ZNF382: variants seen among roughly 807,000 people sequenced by gnomAD.
ZNF382 encodes KRAB/zinc finger suppressor protein 1.
ZNF382 carries 20 observed loss-of-function variants against 38.8 expected under a neutral mutation model. The ratio of observed to expected loss-of-function variants is 0.51; its 90% CI spans 0.36 to 0.75. The LOEUF (loss-of-function observed/expected upper bound fraction) is 0.75, where lower values mean the gene tolerates loss of function less well. Among genes scored for constraint, ZNF382 ranks in the 30% least tolerant of loss-of-function variants. The pLI is 0.00. For synonymous variants in ZNF382, 202 were observed against 223.1 expected (o/e 0.91, Z 0.84); for missense variants, 546 against 654.1 (o/e 0.83, Z 1.80).
intron 4 of ZNF382, among the ~76,000 whole-genome samples, chr19:36,623,672 T>C (rs1303422912): frequency 6.6e-6 from 1 of 151,972 alleles, no homozygotes; most frequent in Non-Finnish European, 1.5e-5. Flanking sequence ...CACACACCTG[T>C]AGTCCCAGCT....
intron 4 of ZNF382, 58 bp downstream of exon 4, chr19:36,610,800 A>G: frequency 1.5e-6 from 2 of 1,316,382 alleles, no homozygotes; most frequent in Non-Finnish European, 2.2e-6. Flanking sequence ...AAGCCTTTGA[A>G]TGTTTTTAGG....
rs371760229 is a variant in ZNF382, at chr19:36,625,089, AATATATATATATATATATATATATAT to A, written c.233-1027_233-1002del. On this transcript the variant is annotated intron_variant, in intron 4 of 4. Coordinates refer to ENST00000292928, the MANE Select transcript of ZNF382 (RefSeq NM_032825.5). ...TCTCAAAAAAATAAAAATGAATTTA[AATATATATATATATATATATATATAT>A]ATATATATATATAATGTATACACAA... Among the ~76,000 whole-genome samples, 51 of 42,994 alleles carry A rather than the reference AATATATATATATATATATATATATAT, an allele frequency of 1.2e-3. 4 individuals carry two copies. Among genetic ancestry groups the A allele is most frequent in the Admixed American group, 6.9e-3 (17 of 2,478 alleles). 28.2% of individuals were successfully genotyped at this position (42,994 alleles called of 152,430 possible).
At position 36,627,577 on chromosome 19, in the gene ZNF382, T is replaced by G; in HGVS notation, c.*27T>G. The G allele has an allele frequency of 6.5e-7, 1 of 1,539,664 alleles. No individual in the cohort carries two copies. Among genetic ancestry groups the G allele is most frequent in the East Asian group, 2.3e-5 (1 of 44,386 alleles). On this transcript the variant is annotated 3_prime_UTR_variant, in exon 5 of 5. Coordinates refer to ENST00000292928, the MANE Select transcript of ZNF382 (RefSeq NM_032825.5). ...TAATGTGGCTTTTTTTGTAAAAAAA[T>G]GTTAAGTCATAGTAAACCCTGTAGA...
At chr19:36,611,388 G>A (rs1361871554) in intron 4 of ZNF382, among the ~76,000 whole-genome samples, 1 of 151,986 alleles carries the variant, frequency 6.6e-6, no homozygotes, top group Non-Finnish European at 1.5e-5. Flanking sequence ...ACTACTCTAG[G>A]TACCTCTTGT....
Position 36,627,163 on chromosome 19 carries a change from C to A in ZNF382, c.1266C>A (p.Thr422=), listed in dbSNP as rs772376239. 12 of 1,614,112 alleles carry A rather than the reference C, an allele frequency of 7.4e-6. No individual in the cohort carries two copies. The Middle Eastern group carries it at 1.5e-3, about 200-fold the overall frequency. Residue 422 remains threonine (T), a synonymous_variant, in exon 5 of 5, where the codon ACC becomes ACA. Transcript: ENST00000292928. ...GGAAGGCATTTATCCAGAAGACAACCCTCACTGTTCATCAGAGAACTCACA... is the reference window on the plus strand; with the variant it reads ...GGAAGGCATTTATCCAGAAGACAACACTCACTGTTCATCAGAGAACTCACA... ...ECGKAFIQKT[T]LTVHQRTHTG... is the part of the protein sequence containing the mutation.
chr19:36,616,976 G>A (rs532854192), intron 4 of ZNF382, among the ~76,000 whole-genome samples: 1 of 152,094 alleles, frequency 6.6e-6, no homozygotes, highest in Non-Finnish European at 1.5e-5. Flanking sequence ...GGGACAATCA[G>A]AGGTGGTGAG....
rs767122431 is a variant in ZNF382, at chr19:36,610,679, C to T, written c.169C>T (p.Arg57Cys). 9 of 1,612,816 alleles carry T rather than the reference C, an allele frequency of 5.6e-6. No homozygotes were observed. Among genetic ancestry groups the T allele is most frequent in the Admixed American group, 3.3e-5 (2 of 59,934 alleles). ...TCACATGGCTAAGCCTGATATGATC[C>T]GCAAGTTGGAACAAGGAGAAGAGCT... ...GFHMAKPDMI[R>C]KLEQGEELWT... The change falls in exon 4 of 5, where the codon CGC (arginine) becomes TGC (cysteine). Residue 57 changes from arginine to cysteine, a missense_variant. By Grantham distance (180) the Arg-to-Cys change is radical. Coordinates refer to ENST00000292928, the MANE Select transcript of ZNF382 (RefSeq NM_032825.5).
intron 4 of ZNF382, among the ~76,000 whole-genome samples, chr19:36,621,011 C>T (rs2037164680): frequency 6.6e-6 from 1 of 151,914 alleles, no homozygotes; most frequent in Non-Finnish European, 1.5e-5. Context: ...TGCCCACCTT[C>T]GCCTCCGACA....
In ZNF382 at chr19:36,630,178, A is replaced by C. The variant is rs1568634084; in HGVS notation, c.*2628A>C. 1 of 152,098 alleles carries C rather than the reference A, an allele frequency of 6.6e-6. No individual in the cohort carries two copies. Among genetic ancestry groups the C allele is most frequent in the Non-Finnish European group, 1.5e-5 (1 of 68,018 alleles). 9.4% of individuals were successfully genotyped at this position (152,098 alleles called of 1,614,324 possible). A position where few individuals can be genotyped will look rare whatever the true frequency, so the allele number is the denominator to read the frequency against. Reference sequence around the variant, plus strand: ...ATATACTTCCCAATTTTGCACACACAAAAAATGAAAATAGCCCCCAAAAGA... The same window carrying C: ...ATATACTTCCCAATTTTGCACACACCAAAAATGAAAATAGCCCCCAAAAGA... On this transcript the variant is annotated 3_prime_UTR_variant, in exon 5 of 5. Transcript: ENST00000292928.
chr19:36,606,298 G>C (rs951824195), intron 1 of ZNF382, among the ~76,000 whole-genome samples: 1 of 147,010 alleles, frequency 6.8e-6, no homozygotes, highest in Non-Finnish European at 1.5e-5. Context: ...ATTCCATTGG[G>C]GACATGCAGG....
At chr19:36,625,425 C>T (rs542829584) in intron 4 of ZNF382, among the ~76,000 whole-genome samples, 2 of 152,014 alleles carry the variant, frequency 1.3e-5, no homozygotes, top group South Asian at 4.1e-4. Flanking sequence ...TTCATCTCTT[C>T]CTAAATAATT....
intron 1 of ZNF382, among the ~76,000 whole-genome samples, chr19:36,607,002 G>T (rs187111079): frequency 1.3e-5 from 2 of 151,488 alleles, no homozygotes; most frequent in Admixed American, 1.3e-4. Context: ...GCTTGAACCC[G>T]GGAGGTGGAG....
In ZNF382 at chr19:36,626,618, G is replaced by T; in HGVS notation, c.721G>T (p.Glu241Ter). Residue 241 changes from glutamate (E) to a stop codon, truncating the protein, a stop_gained, in exon 5 of 5, where the codon GAA becomes TAA. Transcript: ENST00000292928. LOFTEE classifies it high-confidence loss of function. ...TRAHRGERTFEYNKDGIAFIE... is the reference protein window; with the variant it reads ...TRAHRGERTF The stretch of plus-strand genomic sequence containing the variant: ...AGCTCACAGAGGAGAAAGAACCTTT[G>T]AATACAATAAAGATGGAATTGCCTT... The T allele has an allele frequency of 6.2e-7, 1 of 1,614,138 alleles. No homozygotes were observed. Among genetic ancestry groups the T allele is most frequent in the Non-Finnish European group, 8.5e-7 (1 of 1,180,030 alleles).
Position 36,632,120 on chromosome 19 carries a change from C to G in ZNF382, c.*4570C>G, listed in dbSNP as rs1332493821. The G allele has an allele frequency of 6.6e-6, 1 of 152,216 alleles. No homozygotes were observed. Among genetic ancestry groups the G allele is most frequent in the Non-Finnish European group, 1.5e-5 (1 of 68,064 alleles). 9.4% of individuals were successfully genotyped at this position (152,216 alleles called of 1,614,324 possible). ...CGCACACTGTCTCTGAACTGAAGCA[C>G]TAAGACCTGTATCAAACTTGATTTG... is the stretch of plus-strand genomic sequence containing the variant. On this transcript the variant is annotated 3_prime_UTR_variant, in exon 5 of 5. Transcript: ENST00000292928.
At chr19:36,621,346 T>TC (rs35396717) in intron 4 of ZNF382, among the ~76,000 whole-genome samples, 1 of 127,836 alleles carries the variant, frequency 7.8e-6, no homozygotes, top group Non-Finnish European at 1.7e-5. Context: ...TTTTTTTTTT[T>TC]CCAGTTTTTT....
intron 1 of ZNF382, among the ~76,000 whole-genome samples, chr19:36,606,206 G>A (rs2037023407): frequency 6.6e-6 from 1 of 152,112 alleles, no homozygotes. Flanking sequence ...GTATCAGAGG[G>A]GAAGAGATGA....
In ZNF382 at chr19:36,626,870, G is replaced by A. The variant is rs868687181; in HGVS notation, c.973G>A (p.Val325Ile). The change falls in exon 5 of 5, where the codon GTT (valine) becomes ATT (isoleucine). Residue 325 changes from valine (V) to isoleucine (I), a missense_variant. By Grantham distance (29) the Val-to-Ile change is conservative. Coordinates refer to ENST00000292928, the MANE Select transcript of ZNF382 (RefSeq NM_032825.5). Reference protein sequence around the residue: ...QRIHTGEKPYVCNQCGKAFRQ... With the variant: ...QRIHTGEKPYICNQCGKAFRQ... Reference sequence around the variant, plus strand: ...AATTCACACAGGTGAAAAACCTTATGTTTGCAATCAATGTGGAAAGGCCTT... The same window carrying A: ...AATTCACACAGGTGAAAAACCTTATATTTGCAATCAATGTGGAAAGGCCTT... 1 of 1,614,184 alleles carries A rather than the reference G, an allele frequency of 6.2e-7. No homozygotes were observed. The highest frequency in any genetic ancestry group is 1.3e-5 in the African/African-American group (1 of 75,036).
In ZNF382 at chr19:36,612,373, T is replaced by C. The variant is rs183462854; in HGVS notation, c.232+1631T>C. On this transcript the variant is annotated intron_variant, in intron 4 of 4. Transcript: ENST00000292928. ...CTCTTGTTGAAAGACATTTGGGATG[T>C]TTCTAGTTTAGACCTATTATGAACA... is the stretch of plus-strand genomic sequence containing the variant. Among the ~76,000 whole-genome samples the C allele has an allele frequency of 4.5e-4, 69 of 152,342 alleles. No individual in the cohort carries two copies. The Middle Eastern group carries it at 0.01, about 23-fold the overall frequency.
chr19:36,610,578 G>T lies in ZNF382; in HGVS notation c.140-72G>T, dbSNP rs115485409. The T allele has an allele frequency of 2.6e-3, 3,192 of 1,240,664 alleles. 42 individuals are homozygous for T. The African/African-American group carries it at 0.028, about 11-fold the overall frequency. 76.9% of individuals were successfully genotyped at this position (1,240,664 alleles called of 1,614,324 possible). Reference sequence around the variant, plus strand: ...ATACCTCATTTACTACCTTGAAGTTGTATCTTTATCTTACTTCAATAGTTT... The same window carrying T: ...ATACCTCATTTACTACCTTGAAGTTTTATCTTTATCTTACTTCAATAGTTT... On this transcript the variant is annotated intron_variant, in intron 3 of 4. Coordinates refer to ENST00000292928, the MANE Select transcript of ZNF382 (RefSeq NM_032825.5).
Sources: gnomAD v4.1 joint callset for allele counts (sites outside exome capture counted in the v4.1 genomes callset) on GRCh38, gnomAD v4.1.1 for gene constraint, MANE v1.5 for transcripts, NCBI Gene and HGNC (gene_info 2026-07-23, HGNC 2026-07-21) for gene names.